CLSTN2: variants seen among roughly 807,000 people sequenced by gnomAD.
CLSTN2 encodes calsyntenin 2.
A neutral mutation model predicts 101.2 loss-of-function variants in CLSTN2; 48 were observed. That is an observed-to-expected ratio of 0.47 (90% confidence interval 0.38 to 0.60). The LOEUF (loss-of-function observed/expected upper bound fraction) is 0.60, where lower values mean the gene tolerates loss of function less well. CLSTN2 is among the 20% of genes least tolerant of loss of function. The pLI is 0.00. For synonymous variants in CLSTN2, 481 were observed against 463.6 expected (o/e 1.04, Z -0.48); for missense variants, 1,160 against 1,238.2 (o/e 0.94, Z 0.95).
chr3:139,994,883 C>G (rs1005089703), intron 1 of CLSTN2, among the ~76,000 whole-genome samples: 1 of 152,108 alleles, frequency 6.6e-6, no homozygotes, highest in African/African-American at 2.4e-5. Flanking sequence ...AAAGATGGTC[C>G]CTTCCTTCTT....
chr3:140,333,502 C>A (rs917236508), intron 2 of CLSTN2, among the ~76,000 whole-genome samples: 1 of 152,098 alleles, frequency 6.6e-6, no homozygotes, highest in Admixed American at 6.5e-5. Flanking sequence ...TTCCCAGGAC[C>A]CCTGTGCCCA....
In CLSTN2 at chr3:140,059,490, G is replaced by C. The variant is rs567637971; in HGVS notation, c.110-116461G>C. 2.6e-5 allele frequency among the ~76,000 whole-genome samples: 4 copies of C among 152,262 alleles called. No individual in the cohort carries two copies. The East Asian group carries it at 7.7e-4, about 29-fold the overall frequency. ...GTGCTGATGAGCAGGAGACTAAAGA[G>C]AGCTACATGGAGAGGGTTCTGGGGG... On this transcript the variant is annotated intron_variant, in intron 1 of 16. Transcript: ENST00000458420.
chr3:140,073,432 C>A lies in CLSTN2; in HGVS notation c.110-102519C>A, dbSNP rs11706816. On this transcript the variant is annotated intron_variant, in intron 1 of 16. Coordinates refer to ENST00000458420, the MANE Select transcript of CLSTN2 (RefSeq NM_022131.3). ...AATCTGGGTTCAGCTGCTGCCTCAC[C>A]AGCTGACTAATTTGGGACTTGAAGA... is the stretch of plus-strand genomic sequence containing the variant. 8.3e-3 allele frequency among the ~76,000 whole-genome samples: 1,265 copies of A among 152,320 alleles called. 10 individuals carry two copies. Among genetic ancestry groups the A allele is most frequent in the Non-Finnish European group, 0.013 (906 of 68,024 alleles).
intron 9 of CLSTN2, among the ~76,000 whole-genome samples, chr3:140,533,636 G>A (rs751839461): frequency 4.0e-5 from 6 of 151,224 alleles, no homozygotes; most frequent in Non-Finnish European, 8.8e-5. Flanking sequence ...GCATGAACCC[G>A]GGAGGTGGAG....
At chr3:140,225,723 C>G (rs562340015) in intron 2 of CLSTN2, among the ~76,000 whole-genome samples, 1 of 152,170 alleles carries the variant, frequency 6.6e-6, no homozygotes, top group African/African-American at 2.4e-5. Flanking sequence ...TACTCAATCT[C>G]CTGACCTCAT....
chr3:140,563,907 A>G, intron 15 of CLSTN2, 54 bp from the exon 16 acceptor site: 1 of 1,560,616 alleles, frequency 6.4e-7, no homozygotes, highest in Non-Finnish European at 8.8e-7. Flanking sequence ...CTCCCTCACA[A>G]GAATGAGCTA....
At chr3:140,317,780 G>A (rs1262414216) in intron 2 of CLSTN2, among the ~76,000 whole-genome samples, 1 of 152,154 alleles carries the variant, frequency 6.6e-6, no homozygotes, top group African/African-American at 2.4e-5. Context: ...TGTAGTACCA[G>A]ATTTGTTAGC....
At chr3:140,152,564 A>G (rs1560110533) in intron 1 of CLSTN2, among the ~76,000 whole-genome samples, 1 of 152,156 alleles carries the variant, frequency 6.6e-6, no homozygotes, top group Admixed American at 6.5e-5. Flanking sequence ...ACCAAACCCA[A>G]TAGTTAGTAA....
intron 1 of CLSTN2, among the ~76,000 whole-genome samples, chr3:140,020,580 G>A (rs187086925): frequency 4.6e-5 from 7 of 152,308 alleles, no homozygotes; most frequent in African/African-American, 1.4e-4. Flanking sequence ...GCAGGCAGCA[G>A]TTCTGTCCTC....
At chr3:140,048,286 A>T (rs925874068) in intron 1 of CLSTN2, among the ~76,000 whole-genome samples, 2 of 152,230 alleles carry the variant, frequency 1.3e-5, no homozygotes, top group African/African-American at 4.8e-5. Flanking sequence ...TGCATGGACC[A>T]TATCTTGGGA....
At chr3:140,267,278 G>T (rs953777454) in intron 2 of CLSTN2, among the ~76,000 whole-genome samples, 6 of 152,176 alleles carry the variant, frequency 3.9e-5, no homozygotes, top group African/African-American at 1.4e-4. Context: ...AGAATGAGGA[G>T]AATGCAGCTT....
chr3:140,064,026 A>C (rs2008256730), intron 1 of CLSTN2, among the ~76,000 whole-genome samples: 1 of 152,154 alleles, frequency 6.6e-6, no homozygotes, highest in African/African-American at 2.4e-5. Flanking sequence ...CTGTTCTGAA[A>C]GATGGAGCAG....
chr3:140,114,277 T>C (rs1368781032), intron 1 of CLSTN2, among the ~76,000 whole-genome samples: 2 of 152,224 alleles, frequency 1.3e-5, no homozygotes, highest in Non-Finnish European at 2.9e-5. Context: ...CTTTTTGTGC[T>C]TTGCATATGT....
At chr3:140,515,901 T>C (rs544747300) in intron 8 of CLSTN2, among the ~76,000 whole-genome samples, 3 of 152,336 alleles carry the variant, frequency 2.0e-5, no homozygotes, top group Admixed American at 2.0e-4. Flanking sequence ...GTTGACTTTC[T>C]GCCTTGAGGA....
At chr3:140,113,457 G>A (rs1006218370) in intron 1 of CLSTN2, among the ~76,000 whole-genome samples, 2 of 152,308 alleles carry the variant, frequency 1.3e-5, no homozygotes, top group Admixed American at 6.5e-5. Context: ...TTCTCACAGA[G>A]CACTTGTCTG....
At chr3:140,311,771 C>T (rs925429603) in intron 2 of CLSTN2, among the ~76,000 whole-genome samples, 3 of 152,058 alleles carry the variant, frequency 2.0e-5, no homozygotes, top group Non-Finnish European at 4.4e-5. Context: ...CAAAATTGCC[C>T]CAGTCCCACA....
At chr3:140,010,118 G>A (rs1051999188) in intron 1 of CLSTN2, among the ~76,000 whole-genome samples, 15 of 152,202 alleles carry the variant, frequency 9.9e-5, no homozygotes, top group East Asian at 1.9e-4. Flanking sequence ...GCTTATTACC[G>A]TCTTTCCAGC....
intron 1 of CLSTN2, among the ~76,000 whole-genome samples, chr3:140,061,247 C>A (rs1576413505): frequency 1.3e-5 from 2 of 152,260 alleles, no homozygotes; most frequent in East Asian, 3.9e-4. Context: ...AAAGGGCCGG[C>A]AGATAAATGG....
At chr3:140,105,481 G>T (rs2009041182) in intron 1 of CLSTN2, among the ~76,000 whole-genome samples, 1 of 152,186 alleles carries the variant, frequency 6.6e-6, no homozygotes, top group Admixed American at 6.5e-5. Flanking sequence ...AAGCTTCTCA[G>T]TATCTTCTCC....
Sources: gnomAD v4.1 joint callset for allele counts (sites outside exome capture counted in the v4.1 genomes callset) on GRCh38, gnomAD v4.1.1 for gene constraint, MANE v1.5 for transcripts, NCBI Gene and HGNC (gene_info 2026-07-23, HGNC 2026-07-21) for gene names.